The following GSE1 variants were observed in gnomAD, a reference collection of about 807,000 sequenced individuals.
GSE1 encodes the protein Gse1 coiled-coil protein.
GSE1 carries 32 observed loss-of-function variants against 112.6 expected under a neutral mutation model. The ratio of observed to expected loss-of-function variants is 0.28; its 90% CI spans 0.21 to 0.38. The LOEUF (loss-of-function observed/expected upper bound fraction) is 0.38. Ranked by LOEUF, GSE1 falls within the 10% of genes least tolerant of loss-of-function variation. The pLI is 1.00. For synonymous variants in GSE1, 1,115 were observed against 735.6 expected, an observed-to-expected ratio of 1.52 and a Z score of -8.35; for missense variants, 2,348 against 1,699.2, an observed-to-expected ratio of 1.38 and a Z score of -6.71.
chr16:85,362,830 T>C (rs1597489410), intron 2 of GSE1, among the ~76,000 whole-genome samples: 1 of 134,684 alleles, frequency 7.4e-6, no homozygotes, highest in Non-Finnish European at 1.6e-5. Context: ...GTTATTGATA[T>C]CTTTTTTTTT....
At chr16:85,358,845 G>C (rs774901205) in intron 2 of GSE1, among the ~76,000 whole-genome samples, 3 of 152,200 alleles carry the variant, frequency 2.0e-5, no homozygotes, top group Non-Finnish European at 4.4e-5. Context: ...CCGTTGCCTT[G>C]AGCCAGCTAA....
At chr16:85,415,800 G>T (rs1323250200) in intron 2 of GSE1, among the ~76,000 whole-genome samples, 1 of 152,232 alleles carries the variant, frequency 6.6e-6, no homozygotes, top group Admixed American at 6.5e-5. Flanking sequence ...TGGCAGGCAG[G>T]CCCGCTAGAA....
At chr16:85,185,857 GC>G (rs2074688845) in intron 1 of GSE1, among the ~76,000 whole-genome samples, 1 of 152,238 alleles carries the variant, frequency 6.6e-6, no homozygotes. Context: ...GGAGGGCCCT[GC>G]GGGGGCTGGG....
At chr16:85,239,454 A>C (rs1450848084) in intron 1 of GSE1, among the ~76,000 whole-genome samples, 1 of 152,170 alleles carries the variant, frequency 6.6e-6, no homozygotes, top group Admixed American at 6.5e-5. Context: ...CGTCTGCTTC[A>C]AGAGCTCTGA....
chr16:85,185,565 G>A (rs1178129030), intron 1 of GSE1, among the ~76,000 whole-genome samples: 1 of 152,236 alleles, frequency 6.6e-6, no homozygotes. Context: ...TCTAGCTCTG[G>A]AGCTCCTGGC....
At chr16:85,325,492 C>G (rs1458519320) in intron 1 of GSE1, among the ~76,000 whole-genome samples, 1 of 152,048 alleles carries the variant, frequency 6.6e-6, no homozygotes, top group African/African-American at 2.4e-5. Flanking sequence ...ACTTTTGTTG[C>G]CCAGGCTGGA....
intron 2 of GSE1, among the ~76,000 whole-genome samples, chr16:85,637,092 T>C (rs2050065650): frequency 6.6e-6 from 1 of 152,242 alleles, no homozygotes; most frequent in Non-Finnish European, 1.5e-5. Flanking sequence ...TTTGGTGATT[T>C]TCCTACACAG....
intron 2 of GSE1, among the ~76,000 whole-genome samples, chr16:85,362,241 G>C (rs961815811): frequency 6.6e-6 from 1 of 152,240 alleles, no homozygotes; most frequent in African/African-American, 2.4e-5. Context: ...GAGCAGTTGA[G>C]CTCATCTCTT....
At chr16:85,387,452 A>G (rs1016509720) in intron 2 of GSE1, among the ~76,000 whole-genome samples, 1 of 151,790 alleles carries the variant, frequency 6.6e-6, no homozygotes, top group African/African-American at 2.4e-5. Context: ...CTGTCCCTTC[A>G]GCCTGCGATG....
At chr16:85,325,002 C>T (rs1597393742) in intron 1 of GSE1, among the ~76,000 whole-genome samples, 1 of 152,268 alleles carries the variant, frequency 6.6e-6, no homozygotes, top group East Asian at 1.9e-4. Context: ...AGGTCTCACT[C>T]TGTCACTGCA....
chr16:85,457,909 G>A (rs757545855), intron 2 of GSE1, among the ~76,000 whole-genome samples: 2 of 152,212 alleles, frequency 1.3e-5, no homozygotes, highest in Non-Finnish European at 2.9e-5. Context: ...TGCCTCATTC[G>A]ATCCTGAGAT....
At chr16:85,236,957 A>G (rs1303623773) in intron 1 of GSE1, among the ~76,000 whole-genome samples, 1 of 152,204 alleles carries the variant, frequency 6.6e-6, no homozygotes, top group Non-Finnish European at 1.5e-5. Flanking sequence ...CCCTGAGTGC[A>G]TTTATGACCA....
intron 1 of GSE1, among the ~76,000 whole-genome samples, chr16:85,310,974 C>T (rs1204621735): frequency 6.6e-6 from 1 of 152,262 alleles, no homozygotes; most frequent in East Asian, 1.9e-4. Flanking sequence ...CCGCATCCTT[C>T]AGCAACCGGC....
intron 2 of GSE1, among the ~76,000 whole-genome samples, chr16:85,469,808 C>G (rs562090090): frequency 7.9e-5 from 12 of 152,340 alleles, no homozygotes; most frequent in African/African-American, 2.6e-4. Context: ...CCAGCCTTTT[C>G]CCCAGCAGCT....
chr16:85,417,573 C>T (rs1188338879), intron 2 of GSE1, among the ~76,000 whole-genome samples: 1 of 152,238 alleles, frequency 6.6e-6, no homozygotes, highest in African/African-American at 2.4e-5. Context: ...AGAGTGTCTG[C>T]ATCAGCGGGT....
intron 2 of GSE1, among the ~76,000 whole-genome samples, chr16:85,437,889 C>T (rs2049288550): frequency 6.6e-6 from 1 of 152,198 alleles, no homozygotes; most frequent in Non-Finnish European, 1.5e-5. Flanking sequence ...CTGAACCTTT[C>T]TGAGCCTGCC....
intron 1 of GSE1, among the ~76,000 whole-genome samples, chr16:85,563,007 G>A (rs1432195440): frequency 2.0e-5 from 3 of 152,204 alleles, no homozygotes; most frequent in Non-Finnish European, 4.4e-5. Flanking sequence ...CCTCTTAGGG[G>A]ACCTCCTCAG....
At chr16:85,533,099 A>G (rs917102771) in intron 2 of GSE1, among the ~76,000 whole-genome samples, 5 of 152,188 alleles carry the variant, frequency 3.3e-5, no homozygotes, top group African/African-American at 9.7e-5. Flanking sequence ...CTAGAACTCA[A>G]TGTGTCTTGT....
chr16:85,224,139 G>A (rs754019120), intron 1 of GSE1, among the ~76,000 whole-genome samples: 3 of 151,764 alleles, frequency 2.0e-5, no homozygotes, highest in Admixed American at 6.6e-5. Flanking sequence ...AGTGTTGTCC[G>A]GTTCCTGTGG....
Sources: allele counts gnomAD v4.1 joint callset (sites outside exome capture counted in the v4.1 genomes callset), GRCh38; gene constraint gnomAD v4.1.1; transcripts MANE v1.5; gene names NCBI Gene and HGNC (gene_info 2026-07-23, HGNC 2026-07-21).